Variants in SGMS2 observed in about 807,000 individuals in gnomAD.
SGMS2 encodes phosphatidylcholine:ceramide cholinephosphotransferase 2.
In SGMS2, 21 loss-of-function variants were observed where a neutral mutation model predicts 43.8. The ratio of observed to expected loss-of-function variants is 0.48; its 90% CI spans 0.34 to 0.69. The LOEUF (loss-of-function observed/expected upper bound fraction) is 0.69, where lower values mean the gene tolerates loss of function less well. SGMS2 is among the 30% of genes least tolerant of loss of function. The pLI, the probability that SGMS2 is intolerant of heterozygous loss-of-function variation, is 0.01. For synonymous variants in SGMS2, 167 were observed against 160.6 expected, an observed-to-expected ratio of 1.04 and a Z score of -0.30; for missense variants, 384 against 443.2, an observed-to-expected ratio of 0.87 and a Z score of 1.20.
intron 1 of SGMS2, among the ~76,000 whole-genome samples, chr4:107,831,834 T>A (rs1725907446): frequency 6.6e-6 from 1 of 152,224 alleles, no homozygotes; most frequent in Non-Finnish European, 1.5e-5. Context: ...GTGTATAACA[T>A]CAGCTGTGAA....
intron 1 of SGMS2, among the ~76,000 whole-genome samples, chr4:107,851,414 C>T (rs1327532067): frequency 6.6e-6 from 1 of 152,108 alleles, no homozygotes; most frequent in Non-Finnish European, 1.5e-5. Context: ...ACATGGATTG[C>T]CAACCAGGTA....
At chr4:107,841,088 G>A (rs964613465) in intron 1 of SGMS2, among the ~76,000 whole-genome samples, 1 of 152,186 alleles carries the variant, frequency 6.6e-6, no homozygotes, top group Admixed American at 6.5e-5. Context: ...CAATGGTGCT[G>A]GGAAAATAAG....
At chr4:107,873,669 G>A (rs1322535646) in intron 2 of SGMS2, among the ~76,000 whole-genome samples, 1 of 151,892 alleles carries the variant, frequency 6.6e-6, no homozygotes, top group Non-Finnish European at 1.5e-5. Context: ...TTTTCACATG[G>A]TAAATTAGTT....
At chr4:107,862,974 C>CTA (rs1261922973) in intron 2 of SGMS2, among the ~76,000 whole-genome samples, 1 of 152,164 alleles carries the variant, frequency 6.6e-6, no homozygotes, top group Non-Finnish European at 1.5e-5. Flanking sequence ...TAGAGCTTCT[C>CTA]GCTTATGTGT....
At chr4:107,902,438 A>G in intron 4 of SGMS2, among the ~76,000 whole-genome samples, 1 of 152,062 alleles carries the variant, frequency 6.6e-6, no homozygotes, top group East Asian at 1.9e-4. Context: ...ATAATTCAGT[A>G]TTCCAATTTT....
At chr4:107,859,743 G>C (rs570002254) in intron 2 of SGMS2, among the ~76,000 whole-genome samples, 135 of 152,286 alleles carry the variant, frequency 8.9e-4, no homozygotes, top group African/African-American at 3.1e-3. Flanking sequence ...GGGAGGCACA[G>C]AGGACTTGCC....
intron 1 of SGMS2, among the ~76,000 whole-genome samples, chr4:107,825,484 C>A (rs1027655772): frequency 6.6e-6 from 1 of 152,100 alleles, no homozygotes; most frequent in Non-Finnish European, 1.5e-5. Flanking sequence ...TTTCGGGTAC[C>A]CCGGTCCTGG....
chr4:107,880,081 C>A (rs560049641), intron 2 of SGMS2, among the ~76,000 whole-genome samples: 1 of 152,198 alleles, frequency 6.6e-6, no homozygotes, highest in Admixed American at 6.5e-5. Flanking sequence ...TACCAGAAAT[C>A]AAAATATCTG....
At chr4:107,872,729 C>G (rs1404338207) in intron 2 of SGMS2, among the ~76,000 whole-genome samples, 1 of 152,010 alleles carries the variant, frequency 6.6e-6, no homozygotes, top group Non-Finnish European at 1.5e-5. Context: ...TTAAAACATG[C>G]TGCTTATTTA....
intron 1 of SGMS2, among the ~76,000 whole-genome samples, chr4:107,829,968 T>C (rs1157347608): frequency 6.6e-6 from 1 of 152,190 alleles, no homozygotes; most frequent in Admixed American, 6.5e-5. Flanking sequence ...GATGTACATA[T>C]TATTTTGTCA....
chr4:107,900,233 A>G (rs1301132477), intron 4 of SGMS2, among the ~76,000 whole-genome samples: 2 of 152,180 alleles, frequency 1.3e-5, no homozygotes, highest in African/African-American at 4.8e-5. Context: ...AGGAACCAAG[A>G]CAAGGAAGTG....
chr4:107,828,761 T>C (rs1725732958), intron 1 of SGMS2, among the ~76,000 whole-genome samples: 1 of 152,250 alleles, frequency 6.6e-6, no homozygotes, highest in South Asian at 2.1e-4. Flanking sequence ...TCCCTGTCTC[T>C]TTAATTTAAA....
intron 2 of SGMS2, among the ~76,000 whole-genome samples, chr4:107,874,551 T>A (rs985400900): frequency 1.3e-5 from 2 of 152,190 alleles, no homozygotes; most frequent in Non-Finnish European, 2.9e-5. Context: ...ACTAATGTTA[T>A]CTAAAACAGT....
intron 2 of SGMS2, among the ~76,000 whole-genome samples, chr4:107,882,206 TACTA>T (rs1164846756): frequency 6.6e-6 from 1 of 152,198 alleles, no homozygotes; most frequent in East Asian, 1.9e-4. Context: ...ATAGTGGCTT[TACTA>T]ACTAACATTC....
rs1010319441 is a variant in SGMS2, at chr4:107,912,689, TAATA to T, written c.*2139_*2142del. The T allele has an allele frequency of 3.3e-5, 5 of 152,124 alleles. No individual in the cohort carries two copies. Among genetic ancestry groups the T allele is most frequent in the African/African-American group, 9.7e-5 (4 of 41,410 alleles). The allele number at this position is 152,124 out of a possible 1,614,324, so 9.4% of individuals were successfully genotyped here. A position where few individuals can be genotyped will look rare whatever the true frequency, so the allele number is the denominator to read the frequency against. ...TTGAATAAGAAAAAGTGTTTAAACT[TAATA>T]AAATAAAAAATTGTGCACCAATTAC... On this transcript the variant is annotated 3_prime_UTR_variant, in exon 7 of 7. Coordinates refer to ENST00000690982, the MANE Select transcript of SGMS2 (RefSeq NM_001375905.1).
chr4:107,895,855 A>G lies in SGMS2; in HGVS notation c.302A>G (p.His101Arg). ...ACAACCGTCATGATCACAGTTGTACATGAGAGGGTCCCTCCCAAGGAGCTT... is the reference window on the plus strand; with the variant it reads ...ACAACCGTCATGATCACAGTTGTACGTGAGAGGGTCCCTCCCAAGGAGCTT... ...VLTTVMITVV[H>R]ERVPPKELSP... Residue 101 changes from histidine (H) to arginine (R), a missense_variant, in exon 3 of 7, where the codon CAT becomes CGT. By Grantham distance (29) the His-to-Arg change is conservative. Transcript: ENST00000690982. 2 of 1,614,004 alleles carry G rather than the reference A, an allele frequency of 1.2e-6. No individual in the cohort carries two copies. The highest frequency in any genetic ancestry group is 8.5e-7 in the Non-Finnish European group (1 of 1,179,946).
intron 1 of SGMS2, among the ~76,000 whole-genome samples, chr4:107,839,435 C>G (rs1726381585): frequency 6.6e-6 from 1 of 151,948 alleles, no homozygotes; most frequent in Non-Finnish European, 1.5e-5. Context: ...TCATTATCCT[C>G]CTGTTGCAAC....
Position 107,868,582 on chromosome 4 carries a change from G to T in SGMS2, c.-245+10029G>T, listed in dbSNP as rs563737453. 5.3e-5 allele frequency among the ~76,000 whole-genome samples: 8 copies of T among 152,232 alleles called. No homozygotes were observed. In the South Asian group the frequency reaches 1.5e-3, roughly 28 times the overall value. ...AAAATACAAAAATCAGCTGGGCGTT[G>T]TGGTGGGCGCCTGTAATCCTAGCTA... On this transcript the variant is annotated intron_variant, in intron 2 of 6. Transcript: ENST00000690982.
chr4:107,901,958 G>A (rs1731147113), intron 4 of SGMS2, among the ~76,000 whole-genome samples: 1 of 150,960 alleles, frequency 6.6e-6, no homozygotes, highest in African/African-American at 2.4e-5. Flanking sequence ...CCAGGCTAGA[G>A]TGCAATGGCG....
Sources: allele counts gnomAD v4.1 joint callset (sites outside exome capture counted in the v4.1 genomes callset), GRCh38; gene constraint gnomAD v4.1.1; transcripts MANE v1.5; gene names NCBI Gene and HGNC (gene_info 2026-07-23, HGNC 2026-07-21).